Variants in PHACTR4 observed in about 807,000 individuals in gnomAD.
PHACTR4 encodes phosphatase and actin regulator 4, also known as protein phosphatase 1, regulatory subunit 124.
In PHACTR4, 51 loss-of-function variants were observed where a neutral mutation model predicts 72.7. The observed-to-expected ratio is 0.70, with a 90% CI of 0.56 to 0.89. The LOEUF is 0.89. PHACTR4 is among the 40% of genes least tolerant of loss of function. The pLI is 0.00. For missense variants in PHACTR4, 731 were observed against 861.8 expected (o/e 0.85, Z 1.90); for synonymous variants, 255 against 302.5 (o/e 0.84, Z 1.63).
At chr1:28,384,103 A>C (rs1332161256) in intron 1 of PHACTR4, among the ~76,000 whole-genome samples, 1 of 152,102 alleles carries the variant, frequency 6.6e-6, no homozygotes, top group East Asian at 1.9e-4. Context: ...ATTCATCAAG[A>C]ATGTTGACCT....
chr1:28,437,775 T>C (rs1425423363), intron 2 of PHACTR4, among the ~76,000 whole-genome samples: 1 of 152,182 alleles, frequency 6.6e-6, no homozygotes, highest in Non-Finnish European at 1.5e-5. Flanking sequence ...CACCATCACA[T>C]TGGTCATTAG....
intron 9 of PHACTR4, among the ~76,000 whole-genome samples, chr1:28,485,302 C>A (rs955851671): frequency 2.1e-4 from 32 of 152,122 alleles, no homozygotes; most frequent in African/African-American, 7.0e-4. Context: ...ATAGTTAATA[C>A]TGTAGACTGG....
At chr1:28,436,158 A>T (rs907858165) in intron 2 of PHACTR4, among the ~76,000 whole-genome samples, 15 of 152,234 alleles carry the variant, frequency 9.9e-5, no homozygotes, top group African/African-American at 3.4e-4. Flanking sequence ...AGGACAAGCT[A>T]AGTACAGGAA....
chr1:28,409,397 CA>C (rs1267991400), intron 2 of PHACTR4, among the ~76,000 whole-genome samples: 1 of 152,080 alleles, frequency 6.6e-6, no homozygotes, highest in Non-Finnish European at 1.5e-5. Context: ...AACTGATGCT[CA>C]TTTCAAAGTG....
chr1:28,467,772 G>A (rs370379523), intron 6 of PHACTR4, among the ~76,000 whole-genome samples: 3 of 152,212 alleles, frequency 2.0e-5, no homozygotes, highest in South Asian at 2.1e-4. Context: ...GGTAGAGAAA[G>A]CAGGGAATAT....
chr1:28,410,433 C>T (rs531650517), intron 2 of PHACTR4, among the ~76,000 whole-genome samples: 15 of 152,276 alleles, frequency 9.9e-5, no homozygotes, highest in Non-Finnish European at 2.2e-4. Context: ...CCTAAGTTTT[C>T]ATTCTGAGTG....
At chr1:28,479,386 C>T (rs941763970) in intron 8 of PHACTR4, among the ~76,000 whole-genome samples, 2 of 146,864 alleles carry the variant, frequency 1.4e-5, no homozygotes, top group Non-Finnish European at 3.0e-5. Context: ...TGCCACTACA[C>T]TCCAGCCGGG....
At chr1:28,397,021 A>G (rs1653569096) in intron 1 of PHACTR4, among the ~76,000 whole-genome samples, 1 of 151,882 alleles carries the variant, frequency 6.6e-6, no homozygotes, top group African/African-American at 2.4e-5. Flanking sequence ...AAGTCCAAGA[A>G]AATGTGGAAA....
At chr1:28,471,521 C>CT (rs71675377) in intron 6 of PHACTR4, among the ~76,000 whole-genome samples, 2,656 of 143,120 alleles carry the variant, frequency 0.019, 68 homozygotes, top group African/African-American at 0.059. Flanking sequence ...AAAAGAACTA[C>CT]TTTTTTTTTT....
chr1:28,401,127 G>A (rs1057164492), intron 1 of PHACTR4, among the ~76,000 whole-genome samples: 3 of 152,066 alleles, frequency 2.0e-5, no homozygotes, highest in African/African-American at 7.2e-5. Context: ...GAATTTGTAA[G>A]CAAGCACATA....
intron 9 of PHACTR4, among the ~76,000 whole-genome samples, chr1:28,485,004 AT>A (rs1660542734): frequency 6.7e-6 from 1 of 148,260 alleles, no homozygotes; most frequent in African/African-American, 2.6e-5. Context: ...ACAGTGGAAT[AT>A]TATTTAATCT....
At chr1:28,474,711 T>C (rs1295902018) in intron 7 of PHACTR4, among the ~76,000 whole-genome samples, 1 of 151,056 alleles carries the variant, frequency 6.6e-6, no homozygotes, top group Non-Finnish European at 1.5e-5. Flanking sequence ...TTCGGCTGAT[T>C]TTTGTATTTT....
At chr1:28,465,568 T>A (rs556000436) in intron 4 of PHACTR4, 117 bp from the exon 5 acceptor site, 1 of 1,060,740 alleles carries the variant, frequency 9.4e-7, no homozygotes, top group Admixed American at 2.4e-5. Flanking sequence ...CTGGGCAACA[T>A]AGTGAGACCC....
intron 1 of PHACTR4, among the ~76,000 whole-genome samples, chr1:28,395,460 C>T (rs1653420176): frequency 6.6e-6 from 1 of 152,040 alleles, no homozygotes; most frequent in Non-Finnish European, 1.5e-5. Flanking sequence ...ATAAGCCACA[C>T]CTCTGTTTTA....
intron 1 of PHACTR4, among the ~76,000 whole-genome samples, chr1:28,381,891 G>A (rs1181567483): frequency 6.6e-6 from 1 of 152,026 alleles, no homozygotes; most frequent in East Asian, 1.9e-4. Flanking sequence ...TTGTGCTTCA[G>A]CCTCCTGAGT....
intron 9 of PHACTR4, among the ~76,000 whole-genome samples, chr1:28,488,935 G>A (rs1040868730): frequency 3.9e-5 from 6 of 152,144 alleles, no homozygotes; most frequent in Non-Finnish European, 8.8e-5. Flanking sequence ...TCTAGAACTA[G>A]AATCCTGGCC....
In PHACTR4 at chr1:28,465,816, G is replaced by C; in HGVS notation, c.403G>C (p.Ala135Pro). 1.9e-6 allele frequency: 3 copies of C among 1,612,922 alleles called. No homozygotes were observed. In the South Asian group the frequency reaches 3.3e-5, roughly 18 times the overall value. ...AGTAAGATTAGCAAGTCTTAGGAAA[G>C]CTATTCCAGAAGAGGACCTAAAGAA... ...EPVRLASLRK[A>P]IPEEDLKKRL... Residue 135 changes from alanine to proline, a missense_variant, in exon 5 of 14, where the codon GCT becomes CCT. Ala to Pro is a conservative substitution (Grantham distance 27). Transcript: ENST00000373839.
At chr1:28,465,391 C>A (rs1319431477) in intron 4 of PHACTR4, among the ~76,000 whole-genome samples, 6 of 152,070 alleles carry the variant, frequency 3.9e-5, no homozygotes, top group Non-Finnish European at 8.8e-5. Context: ...ACCCGGGAGG[C>A]AGAGGCTGCA....
intron 10 of PHACTR4, among the ~76,000 whole-genome samples, chr1:28,490,595 C>T (rs1459367878): frequency 3.3e-5 from 5 of 150,626 alleles, no homozygotes; most frequent in Non-Finnish European, 7.4e-5. Context: ...CCTGTAATCC[C>T]AGCACTTTGG....
Sources: gnomAD v4.1 joint callset for allele counts (sites outside exome capture counted in the v4.1 genomes callset) on GRCh38, gnomAD v4.1.1 for gene constraint, MANE v1.5 for transcripts, NCBI Gene and HGNC (gene_info 2026-07-23, HGNC 2026-07-21) for gene names.